The following CSMD1 variants were observed in gnomAD, a reference collection of about 807,000 sequenced individuals.
CSMD1 encodes CUB and Sushi multiple domains 1, also known as CUB and sushi domain-containing protein 1.
A neutral mutation model predicts 417.5 loss-of-function variants in CSMD1; 213 were observed. That is an observed-to-expected ratio of 0.51 (90% CI 0.46 to 0.57). The LOEUF (loss-of-function observed/expected upper bound fraction) is 0.57. CSMD1 is among the 20% of genes least tolerant of loss of function. The pLI, the probability that CSMD1 is intolerant of heterozygous loss-of-function variation, is 0.00. For synonymous variants in CSMD1, 2,862 were observed against 1,736.8 expected, an observed-to-expected ratio of 1.65 and a Z score of -16.11; for missense variants, 6,923 against 4,529.7, an observed-to-expected ratio of 1.53 and a Z score of -15.17.
intron 1 of CSMD1, among the ~76,000 whole-genome samples, chr8:4,944,228 G>C (rs958388856): frequency 2.0e-5 from 3 of 152,154 alleles, no homozygotes; most frequent in African/African-American, 4.8e-5. Context: ...AAGACCAAAA[G>C]ATGATAGAAA....
intron 3 of CSMD1, among the ~76,000 whole-genome samples, chr8:4,103,586 G>C (rs367608642): frequency 3.3e-5 from 5 of 151,818 alleles, no homozygotes; most frequent in Admixed American, 1.3e-4. Context: ...AAAAAATGTT[G>C]GACTCATTCA....
At chr8:3,848,953 A>G (rs982358670) in intron 5 of CSMD1, among the ~76,000 whole-genome samples, 1 of 151,162 alleles carries the variant, frequency 6.6e-6, no homozygotes, top group African/African-American at 2.4e-5. Context: ...ATATATGTAT[A>G]TACTATTGCA....
chr8:3,782,147 A>T (rs748909416), intron 5 of CSMD1, among the ~76,000 whole-genome samples: 1 of 152,206 alleles, frequency 6.6e-6, no homozygotes, highest in African/African-American at 2.4e-5. Flanking sequence ...TTTCTCATTT[A>T]AAAGAGAAAA....
At chr8:4,276,778 G>C (rs779331146) in intron 3 of CSMD1, among the ~76,000 whole-genome samples, 2 of 151,942 alleles carry the variant, frequency 1.3e-5, no homozygotes, top group South Asian at 2.1e-4. Context: ...AAACCCTCAG[G>C]GGAAAGAAAA....
intron 16 of CSMD1, 75 bp downstream of exon 16, chr8:3,399,316 T>C: frequency 1.0e-5 from 14 of 1,384,870 alleles, no homozygotes; most frequent in Non-Finnish European, 1.4e-5. Flanking sequence ...CTTTTTAAAG[T>C]TTAAGATCCA....
At chr8:3,531,639 C>T (rs1797984754) in intron 10 of CSMD1, among the ~76,000 whole-genome samples, 1 of 152,098 alleles carries the variant, frequency 6.6e-6, no homozygotes, top group Non-Finnish European at 1.5e-5. Flanking sequence ...AGCATAGGTG[C>T]AATACAGGAA....
At chr8:4,803,571 C>T (rs531718739) in intron 1 of CSMD1, among the ~76,000 whole-genome samples, 77 of 152,144 alleles carry the variant, frequency 5.1e-4, no homozygotes, top group African/African-American at 1.7e-3. Context: ...TTTATAAAAT[C>T]GAAAGCCAGG....
rs368242505 is a variant in CSMD1 at position 3,189,940 on chromosome 8, C to T, written c.5370G>A (p.Gln1790=). The change falls in exon 34 of 70, where the codon CAG becomes CAA. Residue 1790 remains glutamine (Q), a synonymous_variant. Coordinates refer to ENST00000635120, the MANE Select transcript of CSMD1 (RefSeq NM_033225.6). The part of the protein sequence containing the change: ...HCQSVPNALA[Q]WNDTIPSCVV... The stretch of plus-strand genomic sequence containing the variant: ...CACAGCTGGGGATCGTGTCGTTCCA[C>T]TGTGCCAAGGCGTTGGGCACGGACT... 41 of 1,591,398 alleles carry T rather than the reference C, an allele frequency of 2.6e-5. No homozygotes were observed. The highest frequency in any genetic ancestry group is 1.7e-4 in the Middle Eastern group (1 of 6,004).
rs551116183 is a variant in CSMD1, at chr8:4,406,015, C to T, written c.415+13938G>A. 4.6e-5 allele frequency among the ~76,000 whole-genome samples: 7 copies of T among 152,288 alleles called. No homozygotes were observed. In the East Asian group the frequency reaches 1.4e-3, roughly 29 times the overall value. On this transcript the variant is annotated intron_variant, in intron 3 of 69. Transcript: ENST00000635120. ...GTGACGAGTGAGAGGGCAATTCATT[C>T]AGACTGGCTTGTGTTAGAACTGGCT...
Position 4,947,105 on chromosome 8 carries a change from T to G in CSMD1, c.85+47227A>C, listed in dbSNP as rs151268370. ...ATCCATTTGTAGTTACATAGTCATCTATAACTACTTGTATCCATCTGTGCA... is the reference window on the plus strand; with the variant it reads ...ATCCATTTGTAGTTACATAGTCATCGATAACTACTTGTATCCATCTGTGCA... On this transcript the variant is annotated intron_variant, in intron 1 of 69. Transcript: ENST00000635120. Among the ~76,000 whole-genome samples the G allele has an allele frequency of 5.5e-3, 839 of 152,324 alleles. 9 individuals are homozygous for G. The highest frequency in any genetic ancestry group is 0.02 in the African/African-American group (813 of 41,574).
intron 7 of CSMD1, among the ~76,000 whole-genome samples, chr8:3,643,143 A>T (rs1287086808): frequency 6.6e-6 from 1 of 152,056 alleles, no homozygotes; most frequent in Non-Finnish European, 1.5e-5. Flanking sequence ...GGGAAAAACC[A>T]TGTGTAAAGA....
At chr8:4,538,013 C>G (rs867073501) in intron 2 of CSMD1, among the ~76,000 whole-genome samples, 2 of 152,180 alleles carry the variant, frequency 1.3e-5, no homozygotes, top group Non-Finnish European at 2.9e-5. Context: ...TGGTTTTCAT[C>G]TGAATCACAT....
intron 1 of CSMD1, among the ~76,000 whole-genome samples, chr8:4,953,332 C>T (rs1172855908): frequency 1.3e-5 from 2 of 152,182 alleles, no homozygotes; most frequent in Non-Finnish European, 2.9e-5. Context: ...CTTGTTGTAA[C>T]TTTTCATTAA....
intron 29 of CSMD1, among the ~76,000 whole-genome samples, chr8:3,215,897 A>G (rs960846185): frequency 1.3e-5 from 2 of 151,682 alleles, no homozygotes; most frequent in African/African-American, 4.8e-5. Flanking sequence ...ATTTTTAATA[A>G]TCCATGTGTA....
At chr8:3,411,357 CTTTCCT>C (rs1812688154) in intron 12 of CSMD1, among the ~76,000 whole-genome samples, 1 of 148,622 alleles carries the variant, frequency 6.7e-6, no homozygotes, top group African/African-American at 2.5e-5. Context: ...TAACTACTTC[CTTTCCT>C]TTTCTTTATT....
At chr8:3,662,524 G>C (rs1013833123) in intron 7 of CSMD1, among the ~76,000 whole-genome samples, 7 of 152,186 alleles carry the variant, frequency 4.6e-5, no homozygotes, top group South Asian at 2.1e-4. Flanking sequence ...CTTTATAGTA[G>C]AATGACTTAA....
At chr8:4,029,057 C>G (rs75592125) in intron 4 of CSMD1, among the ~76,000 whole-genome samples, 1 of 152,114 alleles carries the variant, frequency 6.6e-6, no homozygotes, top group African/African-American at 2.4e-5. Flanking sequence ...TCTGAGAAGA[C>G]TGACAGTGTT....
intron 3 of CSMD1, among the ~76,000 whole-genome samples, chr8:4,418,092 T>C (rs1345524187): frequency 6.6e-6 from 1 of 152,054 alleles, no homozygotes; most frequent in African/African-American, 2.4e-5. Context: ...AAATACTAGA[T>C]ACAATTTTGG....
At chr8:4,763,896 A>G (rs892776552) in intron 1 of CSMD1, among the ~76,000 whole-genome samples, 2 of 152,240 alleles carry the variant, frequency 1.3e-5, no homozygotes, top group Admixed American at 6.5e-5. Context: ...CCACGACTAC[A>G]TAACCCTGAG....
Sources: allele counts gnomAD v4.1 joint callset (sites outside exome capture counted in the v4.1 genomes callset), GRCh38; gene constraint gnomAD v4.1.1; transcripts MANE v1.5; gene names NCBI Gene and HGNC (gene_info 2026-07-23, HGNC 2026-07-21).